Variants in DPP10 observed in about 807,000 individuals in gnomAD.
The protein encoded by DPP10 is inactive dipeptidyl peptidase 10.
In DPP10, 33 loss-of-function variants were observed where a neutral mutation model predicts 120.9. The observed-to-expected ratio is 0.27, with a 90% confidence interval of 0.21 to 0.37. The LOEUF is 0.37. DPP10 is among the 10% of genes least tolerant of loss of function. DPP10 has a pLI of 1.00. For synonymous variants in DPP10, 337 were observed against 326.1 expected, an observed-to-expected ratio of 1.03 and a Z score of -0.36; for missense variants, 816 against 942.8, an observed-to-expected ratio of 0.87 and a Z score of 1.76.
intron 1 of DPP10, among the ~76,000 whole-genome samples, chr2:114,492,823 T>G (rs1331907620): frequency 1.3e-5 from 2 of 152,192 alleles, no homozygotes; most frequent in Non-Finnish European, 2.9e-5. Context: ...AGAGAAATAG[T>G]GTCATCTCTT....
intron 1 of DPP10, among the ~76,000 whole-genome samples, chr2:114,999,121 T>G (rs917159611): frequency 3.9e-5 from 6 of 152,326 alleles, no homozygotes; most frequent in African/African-American, 1.4e-4. Context: ...GAGACTGTTT[T>G]CCTTATCCTT....
intron 7 of DPP10, among the ~76,000 whole-genome samples, chr2:115,715,028 CA>C (rs70941091): frequency 0.019 from 1,258 of 66,116 alleles, 11 homozygotes; most frequent in African/African-American, 0.056. Context: ...GACTCTGTCT[CA>C]AAAAAAAAAA....
chr2:115,839,375 A>T (rs1689848705), intron 24 of DPP10, among the ~76,000 whole-genome samples: 1 of 152,140 alleles, frequency 6.6e-6, no homozygotes, highest in Non-Finnish European at 1.5e-5. Flanking sequence ...TTGCAACGAC[A>T]ATTAAAAATG....
chr2:115,590,042 C>G (rs907570123), intron 5 of DPP10, among the ~76,000 whole-genome samples: 2 of 151,348 alleles, frequency 1.3e-5, no homozygotes. Flanking sequence ...CCCTCTCATT[C>G]TGACTTACAT....
At chr2:114,678,925 C>T (rs1262260724) in intron 1 of DPP10, among the ~76,000 whole-genome samples, 4 of 152,026 alleles carry the variant, frequency 2.6e-5, no homozygotes, top group Non-Finnish European at 5.9e-5. Flanking sequence ...TTGGATCAGA[C>T]ACACGGATGC....
intron 17 of DPP10, among the ~76,000 whole-genome samples, chr2:115,789,593 C>A (rs962143757): frequency 6.6e-5 from 10 of 152,076 alleles, no homozygotes; most frequent in African/African-American, 2.4e-4. Context: ...TCCTTCTGTG[C>A]AACATTGTGG....
intron 1 of DPP10, among the ~76,000 whole-genome samples, chr2:115,030,890 C>T (rs1703795092): frequency 6.6e-6 from 1 of 152,116 alleles, no homozygotes; most frequent in Non-Finnish European, 1.5e-5. Context: ...GGCAGAAATA[C>T]TATTTGACCC....
At chr2:115,293,034 C>G (rs1303888761) in intron 1 of DPP10, among the ~76,000 whole-genome samples, 2 of 152,006 alleles carry the variant, frequency 1.3e-5, no homozygotes, top group Non-Finnish European at 2.9e-5. Context: ...GGCACAGAAA[C>G]TTTGATGTTT....
intron 3 of DPP10, among the ~76,000 whole-genome samples, chr2:115,406,910 T>C (rs1041613088): frequency 9.2e-5 from 14 of 152,012 alleles, no homozygotes; most frequent in Admixed American, 2.6e-4. Flanking sequence ...ACAACAAACA[T>C]GAAAAATACT....
At chr2:115,286,510 T>C (rs1378749777) in intron 1 of DPP10, among the ~76,000 whole-genome samples, 1 of 30,608 alleles carries the variant, frequency 3.3e-5, no homozygotes, top group Non-Finnish European at 8.3e-5. Context: ...ATATTACATA[T>C]ATAATATATA....
At chr2:114,616,853 G>A (rs1401946951) in intron 1 of DPP10, among the ~76,000 whole-genome samples, 3 of 152,016 alleles carry the variant, frequency 2.0e-5, no homozygotes, top group African/African-American at 4.8e-5. Context: ...TTAGTACAGT[G>A]AGTCACTAAT....
At chr2:115,786,479 A>G (rs991528937) in intron 17 of DPP10, among the ~76,000 whole-genome samples, 16 of 152,136 alleles carry the variant, frequency 1.1e-4, no homozygotes, top group African/African-American at 3.9e-4. Context: ...GTAACTGGAA[A>G]TAGACCTGAT....
intron 1 of DPP10, among the ~76,000 whole-genome samples, chr2:115,106,249 TC>T (rs1416087382): frequency 2.0e-5 from 3 of 152,220 alleles, no homozygotes; most frequent in Non-Finnish European, 4.4e-5. Flanking sequence ...ACAGACAGTA[TC>T]TTGTAGTGAG....
chr2:115,185,110 G>A (rs2054341439), intron 1 of DPP10, among the ~76,000 whole-genome samples: 1 of 152,158 alleles, frequency 6.6e-6, no homozygotes, highest in South Asian at 2.1e-4. Context: ...ATCACAGTGA[G>A]ATTATACCTC....
At chr2:115,047,364 T>C (rs1199799300) in intron 1 of DPP10, among the ~76,000 whole-genome samples, 1 of 152,054 alleles carries the variant, frequency 6.6e-6, no homozygotes, top group African/African-American at 2.4e-5. Context: ...TACTAAATGT[T>C]AATTAAATTT....
chr2:114,655,130 G>C (rs1287450098), intron 1 of DPP10, among the ~76,000 whole-genome samples: 1 of 152,092 alleles, frequency 6.6e-6, no homozygotes, highest in African/African-American at 2.4e-5. Flanking sequence ...GGATAACAAC[G>C]ACACAGCATA....
At chr2:115,802,031 T>C (rs1411619248) in intron 19 of DPP10, among the ~76,000 whole-genome samples, 1 of 152,206 alleles carries the variant, frequency 6.6e-6, no homozygotes, top group Admixed American at 6.6e-5. Flanking sequence ...CTTGTACCTC[T>C]GGTAGAATTC....
chr2:114,731,692 G>A lies in DPP10; in HGVS notation c.60+288854G>A, dbSNP rs1676929003. ...GGTTCAGGTGTGTTGGTCATAGGAGGTGGCACAACAAAACACATGAAATAG... is the reference window on the plus strand; with the variant it reads ...GGTTCAGGTGTGTTGGTCATAGGAGATGGCACAACAAAACACATGAAATAG... On this transcript the variant is annotated intron_variant, in intron 1 of 25. Coordinates refer to ENST00000410059, the MANE Select transcript of DPP10 (RefSeq NM_020868.6). 2.0e-5 allele frequency among the ~76,000 whole-genome samples: 3 copies of A among 152,296 alleles called. No individual in the cohort carries two copies. In the South Asian group the frequency reaches 6.2e-4, roughly 32 times the overall value.
chr2:115,600,759 CAAAAT>C (rs764928274), intron 5 of DPP10, among the ~76,000 whole-genome samples: 4 of 152,118 alleles, frequency 2.6e-5, no homozygotes, highest in African/African-American at 4.8e-5. Context: ...GCAAATTATG[CAAAAT>C]AAAATAATCA....
Sources: gnomAD v4.1 joint callset for allele counts (sites outside exome capture counted in the v4.1 genomes callset) on GRCh38, gnomAD v4.1.1 for gene constraint, MANE v1.5 for transcripts, NCBI Gene and HGNC (gene_info 2026-07-23, HGNC 2026-07-21) for gene names.